MYO18B: variants seen among roughly 807,000 people sequenced by gnomAD.
MYO18B encodes the protein unconventional myosin-XVIIIb.
In MYO18B, 204 loss-of-function variants were observed where a neutral mutation model predicts 273.0. The observed-to-expected ratio is 0.75, with a 90% CI of 0.67 to 0.84. MYO18B has a LOEUF of 0.84. Ranked by LOEUF, MYO18B falls within the 40% of genes least tolerant of loss-of-function variation. The pLI, the probability that MYO18B is intolerant of heterozygous loss-of-function variation, is 0.00. For missense variants in MYO18B, 3,212 were observed against 3,287.6 expected (o/e 0.98, Z 0.56); for synonymous variants, 1,330 against 1,305.7 (o/e 1.02, Z -0.40).
rs1284377051 is a variant in MYO18B, at chr22:25,772,451, A to G, written c.1810A>G (p.Thr604Ala). The G allele has an allele frequency of 6.2e-6, 10 of 1,614,030 alleles. No homozygotes were observed. Among genetic ancestry groups the G allele is most frequent in the Non-Finnish European group, 7.6e-6 (9 of 1,179,898 alleles). Residue 604 changes from threonine (T) to alanine (A), a missense_variant, in exon 7 of 44, where the codon ACA becomes GCA. Transcript: ENST00000335473. Reference sequence around the variant, plus strand: ...CAAAGCTCAGCTGCTGCACACCTGCACAGGGCCTGATCTGATTGTCCTCCA... The same window carrying G: ...CAAAGCTCAGCTGCTGCACACCTGCGCAGGGCCTGATCTGATTGTCCTCCA... Reference protein sequence around the residue: ...RYKAQLLHTCTGPDLIVLQPR... With the variant: ...RYKAQLLHTCAGPDLIVLQPR...
rs1395563059 is a variant in MYO18B at position 25,917,439 on chromosome 22, GTCTT to G, written c.5365-3810_5365-3807del. On this transcript the variant is annotated intron_variant, in intron 33 of 43. Coordinates refer to ENST00000335473, the MANE Select transcript of MYO18B (RefSeq NM_032608.7). The stretch of plus-strand genomic sequence containing the variant: ...ATCATTGCTTCGATTCTTACTTGGT[GTCTT>G]TCTTTCTCCATGAATAAGTTTTGCC... Among the ~76,000 whole-genome samples, 12 of 152,144 alleles carry G rather than the reference GTCTT, an allele frequency of 7.9e-5. No homozygotes were observed. The South Asian group carries it at 1.5e-3, about 18-fold the overall frequency.
chr22:26,012,823 C>T (rs767848264), intron 42 of MYO18B, among the ~76,000 whole-genome samples: 24 of 152,228 alleles, frequency 1.6e-4, no homozygotes, highest in South Asian at 6.2e-4. Context: ...GGTTTTGTTA[C>T]GCAAATTTAC....
intron 34 of MYO18B, among the ~76,000 whole-genome samples, chr22:25,921,701 GTTGTGT>G (rs1487580875): frequency 1.7e-5 from 2 of 117,394 alleles, no homozygotes; most frequent in African/African-American, 7.7e-5. Flanking sequence ...CAGTGTGCCT[GTTGTGT>G]GTGTGTGTGT....
chr22:25,890,331 T>C (rs2091623091), intron 25 of MYO18B, among the ~76,000 whole-genome samples: 1 of 152,216 alleles, frequency 6.6e-6, no homozygotes, highest in African/African-American at 2.4e-5. Context: ...TGTGTCTTAC[T>C]GAGGGACAGT....
At chr22:25,915,685 C>T (rs2092250808) in intron 33 of MYO18B, among the ~76,000 whole-genome samples, 1 of 152,136 alleles carries the variant, frequency 6.6e-6, no homozygotes, top group African/African-American at 2.4e-5. Flanking sequence ...AATCTGATGA[C>T]TTGTCTCAAT....
intron 39 of MYO18B, among the ~76,000 whole-genome samples, chr22:25,973,641 C>G (rs1300436117): frequency 6.6e-6 from 1 of 152,228 alleles, no homozygotes; most frequent in Non-Finnish European, 1.5e-5. Context: ...CTCGGTCACA[C>G]CAGCCACACA....
At chr22:25,985,676 C>CTGGA (rs71191091) in intron 39 of MYO18B, among the ~76,000 whole-genome samples, 81,450 of 151,072 alleles carry the variant, frequency 0.54, 23,004 homozygotes, top group Non-Finnish European at 0.62. Context: ...GTCACCTAGG[C>CTGGA]TGGAGTGCAG....
intron 34 of MYO18B, among the ~76,000 whole-genome samples, chr22:25,938,736 A>G (rs1456596215): frequency 6.6e-6 from 1 of 152,222 alleles, no homozygotes; most frequent in African/African-American, 2.4e-5. Flanking sequence ...GGTAAACAGT[A>G]AATAATTGTT....
At chr22:25,855,832 T>G (rs2090556346) in intron 21 of MYO18B, among the ~76,000 whole-genome samples, 1 of 152,106 alleles carries the variant, frequency 6.6e-6, no homozygotes, top group Non-Finnish European at 1.5e-5. Context: ...TTTCTTTTTT[T>G]TTTTTTTGAA....
chr22:25,757,460 G>C (rs542411566), intron 1 of MYO18B, among the ~76,000 whole-genome samples: 1 of 152,080 alleles, frequency 6.6e-6, no homozygotes, highest in East Asian at 1.9e-4. Flanking sequence ...GGTGGCACGT[G>C]CCTGTAGTCC....
intron 42 of MYO18B, among the ~76,000 whole-genome samples, chr22:26,022,710 A>G (rs764465534): frequency 3.3e-5 from 5 of 152,180 alleles, no homozygotes; most frequent in Non-Finnish European, 7.3e-5. Flanking sequence ...GCACCAGACC[A>G]TTTCAGAAAG....
At chr22:26,022,098 C>T (rs1330458416) in intron 42 of MYO18B, among the ~76,000 whole-genome samples, 1 of 151,968 alleles carries the variant, frequency 6.6e-6, no homozygotes, top group Admixed American at 6.6e-5. Context: ...TAACAGTGCC[C>T]CTGCCTATCC....
intron 39 of MYO18B, among the ~76,000 whole-genome samples, chr22:25,975,007 A>G (rs2093073448): frequency 6.6e-6 from 1 of 152,150 alleles, no homozygotes; most frequent in South Asian, 2.1e-4. Context: ...GTTGGAATCA[A>G]TGCCTGGCTT....
At chr22:25,892,181 G>A (rs1443979748) in intron 27 of MYO18B, 2 of 152,164 alleles carry the variant, frequency 1.3e-5, no homozygotes, top group Non-Finnish European at 1.5e-5. Flanking sequence ...AAAATGTTTA[G>A]CCACATGTAT....
chr22:25,992,888 A>G (rs1399109722), intron 40 of MYO18B, among the ~76,000 whole-genome samples: 1 of 152,220 alleles, frequency 6.6e-6, no homozygotes, highest in East Asian at 1.9e-4. Flanking sequence ...TGGAAGTTTC[A>G]TATATTCAAT....
intron 34 of MYO18B, among the ~76,000 whole-genome samples, chr22:25,936,911 A>G (rs1022015992): frequency 2.0e-5 from 3 of 152,118 alleles, no homozygotes; most frequent in African/African-American, 7.2e-5. Flanking sequence ...CCAAAGCCTC[A>G]TCTCCTAATA....
chr22:25,925,732 C>T (rs1003278064), intron 34 of MYO18B, among the ~76,000 whole-genome samples: 3 of 151,242 alleles, frequency 2.0e-5, no homozygotes, highest in African/African-American at 4.9e-5. Context: ...TGGTGAAACC[C>T]TGTCTCTACT....
At chr22:26,011,970 T>A (rs1934953660) in intron 42 of MYO18B, among the ~76,000 whole-genome samples, 1 of 152,244 alleles carries the variant, frequency 6.6e-6, no homozygotes, top group Non-Finnish European at 1.5e-5. Flanking sequence ...TTGCTTTCTG[T>A]AAACATTTGC....
chr22:25,777,217 C>T (rs9624896), intron 7 of MYO18B, among the ~76,000 whole-genome samples: 39,526 of 152,198 alleles, frequency 0.26, 5,765 homozygotes, highest in Non-Finnish European at 0.31. Context: ...CATCACTAAT[C>T]GTAATGGATA....
Sources: allele counts gnomAD v4.1 joint callset (sites outside exome capture counted in the v4.1 genomes callset), GRCh38; gene constraint gnomAD v4.1.1; transcripts MANE v1.5; gene names NCBI Gene and HGNC (gene_info 2026-07-23, HGNC 2026-07-21).